The following MYOCD variants were observed in gnomAD, a reference collection of about 807,000 sequenced individuals.
The protein encoded by MYOCD is myocardin.
In MYOCD, 32 loss-of-function variants were observed where a neutral mutation model predicts 96.1. The observed-to-expected ratio is 0.33, with a 90% confidence interval of 0.25 to 0.45. The LOEUF (loss-of-function observed/expected upper bound fraction) is 0.45. Among genes scored for constraint, MYOCD ranks in the 20% least tolerant of loss-of-function variants. The pLI, the probability that MYOCD is intolerant of heterozygous loss-of-function variation, is 1.00. For missense variants in MYOCD, 1,133 were observed against 1,200.6 expected (o/e 0.94, Z 0.83); for synonymous variants, 469 against 469.0 (o/e 1.00, Z 0.00).
Position 12,744,353 on chromosome 17 carries a change from C to T in MYOCD, c.888C>T (p.Phe296=). The change falls in exon 8 of 14, where the codon TTC becomes TTT. Residue 296 remains phenylalanine (F), a synonymous_variant. Coordinates refer to ENST00000425538, the MANE Select transcript of MYOCD (RefSeq NM_001146312.3). ...GGCTGCTCCAGCAACAGCAGCTGTT[C>T]CTGCAGCTCCAAATCCTCAGCCAGC... is the stretch of plus-strand genomic sequence containing the variant. ...YARLLQQQQL[F]LQLQILSQQQ... is the part of the protein sequence containing the mutation. 4 of 1,614,178 alleles carry T rather than the reference C, an allele frequency of 2.5e-6. No homozygotes were observed. The highest frequency in any genetic ancestry group is 3.4e-6 in the Non-Finnish European group (4 of 1,180,010).
intron 1 of MYOCD, among the ~76,000 whole-genome samples, chr17:12,697,357 ATATTTTT>A (rs1288040486): frequency 5.7e-5 from 5 of 87,046 alleles, no homozygotes; most frequent in Non-Finnish European, 8.4e-5. Context: ...ATATATATAT[ATATTTTT>A]TTTTTTTTTT....
intron 2 of MYOCD, among the ~76,000 whole-genome samples, chr17:12,713,850 T>C (rs1210655268): frequency 6.6e-6 from 1 of 152,148 alleles, no homozygotes; most frequent in Admixed American, 6.5e-5. Flanking sequence ...CACGTTAATT[T>C]CTCAGAATCA....
intron 1 of MYOCD, among the ~76,000 whole-genome samples, chr17:12,678,327 T>C (rs77020365): frequency 6.7e-6 from 1 of 148,448 alleles, no homozygotes; most frequent in Admixed American, 6.8e-5. Context: ...AAAAAAAAAC[T>C]GAAAAGGCAT....
At chr17:12,670,957 A>C (rs1034849646) in intron 1 of MYOCD, among the ~76,000 whole-genome samples, 5 of 152,134 alleles carry the variant, frequency 3.3e-5, no homozygotes, top group African/African-American at 1.2e-4. Flanking sequence ...TATTCGATTC[A>C]CTCACAGCTC....
intron 1 of MYOCD, among the ~76,000 whole-genome samples, chr17:12,680,388 G>A (rs373857683): frequency 1.3e-5 from 2 of 152,134 alleles, no homozygotes; most frequent in African/African-American, 4.8e-5. Context: ...ATAGAAACGG[G>A]AATGACCTGC....
Position 12,683,405 on chromosome 17 carries a change from A to G in MYOCD, c.55+17162A>G, listed in dbSNP as rs545274712. ...TTTCTTTCATTTGTCACTGTCACCAACAACTTTACTGTCAGTACCTGTCTC... is the reference window on the plus strand; with the variant it reads ...TTTCTTTCATTTGTCACTGTCACCAGCAACTTTACTGTCAGTACCTGTCTC... On this transcript the variant is annotated intron_variant, in intron 1 of 13. Coordinates refer to ENST00000425538, the MANE Select transcript of MYOCD (RefSeq NM_001146312.3). Among the ~76,000 whole-genome samples the G allele has an allele frequency of 1.7e-4, 26 of 152,186 alleles. No individual in the cohort carries two copies. The East Asian group carries it at 2.9e-3, about 17-fold the overall frequency.
intron 1 of MYOCD, among the ~76,000 whole-genome samples, chr17:12,672,399 A>G (rs1227091952): frequency 1.3e-5 from 2 of 152,162 alleles, no homozygotes; most frequent in African/African-American, 2.4e-5. Flanking sequence ...TTGAATTTCT[A>G]TTTTATTAGG....
At chr17:12,729,581 C>CT (rs955261615) in intron 5 of MYOCD, among the ~76,000 whole-genome samples, 127 of 145,710 alleles carry the variant, frequency 8.7e-4, no homozygotes, top group Middle Eastern at 3.5e-3. Flanking sequence ...GGATAAAGCA[C>CT]TTTTTTTTTT....
intron 1 of MYOCD, among the ~76,000 whole-genome samples, chr17:12,679,780 A>C (rs530373930): frequency 3.9e-4 from 60 of 152,210 alleles, no homozygotes; most frequent in Non-Finnish European, 7.8e-4. Flanking sequence ...AGATGCAAAG[A>C]TGTTTACAAT....
chr17:12,750,132 C>G (rs905159840), intron 9 of MYOCD, among the ~76,000 whole-genome samples: 2 of 152,020 alleles, frequency 1.3e-5, no homozygotes, highest in African/African-American at 4.8e-5. Context: ...CCACGGCGCC[C>G]GGCTAAAGTT....
intron 1 of MYOCD, among the ~76,000 whole-genome samples, chr17:12,679,334 T>C (rs1236764491): frequency 3.3e-5 from 5 of 152,164 alleles, no homozygotes; most frequent in South Asian, 2.1e-4. Flanking sequence ...GAGGACAGAA[T>C]GAGGCATAGG....
chr17:12,758,120 A>G lies in MYOCD; in HGVS notation c.2238A>G (p.Pro746=), dbSNP rs752213830. ...TACACTCTTCTGATAAGGTGGGGCCAAAGTTTTCAATTCCATCCCCAACTT... is the reference window on the plus strand; with the variant it reads ...TACACTCTTCTGATAAGGTGGGGCCGAAGTTTTCAATTCCATCCCCAACTT... ...AGLHSSDKVG[P]KFSIPSPTFS... is the part of the protein sequence containing the mutation. Residue 746 remains proline (P), a synonymous_variant, in exon 12 of 14, where the codon CCA becomes CCG. Coordinates refer to ENST00000425538, the MANE Select transcript of MYOCD (RefSeq NM_001146312.3). 3 of 1,614,178 alleles carry G rather than the reference A, an allele frequency of 1.9e-6. No individual in the cohort carries two copies. The highest frequency in any genetic ancestry group is 2.7e-5 in the African/African-American group (2 of 75,048).
intron 1 of MYOCD, among the ~76,000 whole-genome samples, chr17:12,680,916 A>G (rs1017898347): frequency 3.9e-5 from 6 of 152,106 alleles, no homozygotes; most frequent in East Asian, 1.9e-4. Flanking sequence ...CTACACCCCA[A>G]TAGAGCACCC....
chr17:12,723,160 AG>A (rs564906205), intron 5 of MYOCD, 152 bp downstream of exon 5: 1 of 746,298 alleles, frequency 1.3e-6, no homozygotes, highest in Admixed American at 3.0e-5. Context: ...CTCCATAACC[AG>A]GGATCCTGGG....
intron 2 of MYOCD, among the ~76,000 whole-genome samples, chr17:12,712,254 T>C (rs1370672784): frequency 6.6e-6 from 1 of 152,154 alleles, no homozygotes; most frequent in East Asian, 1.9e-4. Flanking sequence ...GCCCCAAGTC[T>C]CTGGCTCTTT....
At chr17:12,731,183 C>T (rs946518963) in intron 5 of MYOCD, among the ~76,000 whole-genome samples, 7 of 152,186 alleles carry the variant, frequency 4.6e-5, no homozygotes, top group East Asian at 1.9e-4. Context: ...AAGATTGGAG[C>T]GGAGGCCCAG....
intron 2 of MYOCD, among the ~76,000 whole-genome samples, chr17:12,708,405 T>A (rs1212547040): frequency 6.6e-6 from 1 of 152,156 alleles, no homozygotes; most frequent in African/African-American, 2.4e-5. Context: ...ATACTTTTTT[T>A]TTTTTTGAGA....
chr17:12,667,631 A>G (rs552988866), intron 1 of MYOCD, among the ~76,000 whole-genome samples: 18 of 152,324 alleles, frequency 1.2e-4, no homozygotes, highest in African/African-American at 4.1e-4. Context: ...GCCAGTTTAA[A>G]TGTGGAGGGT....
intron 1 of MYOCD, among the ~76,000 whole-genome samples, chr17:12,668,703 C>T (rs562304607): frequency 8.3e-4 from 127 of 152,126 alleles, no homozygotes; most frequent in Middle Eastern, 3.4e-3. Flanking sequence ...TCTCTGCTTA[C>T]TAGCTACATG....
Sources: gnomAD v4.1 joint callset for allele counts (sites outside exome capture counted in the v4.1 genomes callset) on GRCh38, gnomAD v4.1.1 for gene constraint, MANE v1.5 for transcripts, NCBI Gene and HGNC (gene_info 2026-07-23, HGNC 2026-07-21) for gene names.